Variants in YPEL4 observed in about 807,000 individuals in gnomAD.
The protein encoded by YPEL4 is protein yippee-like 4.
A neutral mutation model predicts 16.3 loss-of-function variants in YPEL4; 5 were observed. The ratio of observed to expected loss-of-function variants is 0.31; its 90% CI spans 0.16 to 0.64. The LOEUF is 0.64. YPEL4 is among the 30% of genes least tolerant of loss of function. The pLI is 0.79. For missense variants in YPEL4, 127 were observed against 170.0 expected, an observed-to-expected ratio of 0.75 and a Z score of 1.41; for synonymous variants, 61 against 60.7, an observed-to-expected ratio of 1.00 and a Z score of -0.02.
chr11:57,646,594 C>G (rs1945732734), intron 3 of YPEL4, 157 bp downstream of exon 3: 1 of 1,266,336 alleles, frequency 7.9e-7, no homozygotes, highest in African/African-American at 1.5e-5. Flanking sequence ...CCCCGGCTCC[C>G]CATGTGAGAA....
At chr11:57,649,487 G>A (rs1205579870) in intron 1 of YPEL4, 198 bp downstream of exon 1, 1 of 152,226 alleles carries the variant, frequency 6.6e-6, no homozygotes, top group Non-Finnish European at 1.5e-5. Context: ...AAAGTTGCCG[G>A]GAAATAAGTG....
chr11:57,648,871 T>C (rs1945760479), intron 1 of YPEL4: 1 of 152,206 alleles, frequency 6.6e-6, no homozygotes, highest in Admixed American at 6.5e-5. Context: ...CGAGTTCCCC[T>C]CTGACATGCA....
intron 1 of YPEL4, chr11:57,648,126 G>A (rs1945754389): frequency 6.6e-6 from 1 of 152,292 alleles, no homozygotes. Flanking sequence ...TGGGTAGCAT[G>A]TCAGAGGAGC....
intron 4 of YPEL4, 24 bp from the exon 5 acceptor site, chr11:57,646,094 T>C: frequency 6.2e-7 from 1 of 1,613,626 alleles, no homozygotes; most frequent in Non-Finnish European, 8.5e-7. Context: ...AAGCAGTGAT[T>C]GTAGGACAAA....
Position 57,647,041 on chromosome 11 carries a change from G to A in YPEL4, c.67C>T (p.Pro23Ser), listed in dbSNP as rs757763202. Residue 23 changes from proline (P) to serine (S), a missense_variant, in exon 2 of 5, where the codon CCC becomes TCC. By Grantham distance (74) the Pro-to-Ser change is moderately conservative. Coordinates refer to ENST00000300022, the MANE Select transcript of YPEL4 (RefSeq NM_145008.3). This position sits in a 1 kb window ranked among gnomAD's most constrained non-coding sequence, Gnocchi z 4.2. ...CAGCTGTAAGTGCGGTGACAGCGGGGCAGATAGCTGCGGAAAGTCTTGGTG... is the reference window on the plus strand; with the variant it reads ...CAGCTGTAAGTGCGGTGACAGCGGGACAGATAGCTGCGGAAAGTCTTGGTG... ...LPTKTFRSYL[P>S]RCHRTYSCVH... 1 of 1,598,292 alleles carries A rather than the reference G, an allele frequency of 6.3e-7. No homozygotes were observed. The highest frequency in any genetic ancestry group is 8.5e-7 in the Non-Finnish European group (1 of 1,173,760).
Position 57,646,734 on chromosome 11 carries a change from G to A in YPEL4, c.185+17C>T. 1 of 1,613,630 alleles carries A rather than the reference G, an allele frequency of 6.2e-7. No homozygotes were observed. Among genetic ancestry groups the A allele is most frequent in the Non-Finnish European group, 8.5e-7 (1 of 1,179,844 alleles). On this transcript the variant is annotated intron_variant, in intron 3 of 4. Coordinates refer to ENST00000300022, the MANE Select transcript of YPEL4 (RefSeq NM_145008.3). Reference sequence around the variant, plus strand: ...ACACAAGCACAAGCACACGCACAAGGAAAGAGGTAGACTCACACGGAGTTA... The same window carrying A: ...ACACAAGCACAAGCACACGCACAAGAAAAGAGGTAGACTCACACGGAGTTA...
intron 4 of YPEL4, 21 bp downstream of exon 4, chr11:57,646,276 C>A (rs752705793): frequency 1.2e-6 from 2 of 1,613,608 alleles, no homozygotes; most frequent in African/African-American, 2.7e-5. Context: ...TAGAGGGTGA[C>A]CCTCTTCCTC....
rs1028382269 is a variant in YPEL4 at position 57,645,873 on chromosome 11, C to T, written c.*108G>A. 8.7e-7 allele frequency: 1 copy of T among 1,147,226 alleles called. No homozygotes were observed. The highest frequency in any genetic ancestry group is 1.2e-6 in the Non-Finnish European group (1 of 802,170). The allele number at this position is 1,147,226 out of a possible 1,614,324, so 71.1% of individuals were successfully genotyped here. ...GAGGCAGGGGAGGGGTTGGTTGGAG[C>T]CAGGTTTCCCCCAGGGGTGGGGCAG... is the stretch of plus-strand genomic sequence containing the variant. On this transcript the variant is annotated 3_prime_UTR_variant, in exon 5 of 5. Transcript: ENST00000300022.
chr11:57,646,209 G>A (rs2135347473), intron 4 of YPEL4, 88 bp downstream of exon 4: 2 of 1,575,240 alleles, frequency 1.3e-6, no homozygotes, highest in Non-Finnish European at 1.7e-6. Flanking sequence ...TTTGGACCAT[G>A]CAAGGAAGGA....
In YPEL4 at chr11:57,646,030, T is replaced by G; in HGVS notation, c.335A>C (p.Lys112Thr). The G allele has an allele frequency of 1.2e-6, 2 of 1,614,194 alleles. No homozygotes were observed. The highest frequency in any genetic ancestry group is 1.7e-6 in the Non-Finnish European group (2 of 1,180,036). The change falls in exon 5 of 5, where the codon AAA becomes ACA. Residue 112 changes from lysine (K) to threonine (T), a missense_variant. By Grantham distance (78) the Lys-to-Thr change is moderately conservative (BLOSUM62 -1). Coordinates refer to ENST00000300022, the MANE Select transcript of YPEL4 (RefSeq NM_145008.3). ...FETSQKYKEG[K>T]YIIEMSHMVK... ...CATGTGTGACATTTCAATGATGTATTTCCCTTCCTTGTACTTCTGGCTCGT... is the reference window on the plus strand; with the variant it reads ...CATGTGTGACATTTCAATGATGTATGTCCCTTCCTTGTACTTCTGGCTCGT...
Position 57,647,121 on chromosome 11 carries a change from A to G in YPEL4, c.-14T>C. On this transcript the variant is annotated 5_prime_UTR_variant, in exon 2 of 5. Coordinates refer to ENST00000300022, the MANE Select transcript of YPEL4 (RefSeq NM_145008.3). The surrounding 1 kb of genome is among the most constrained non-coding windows in gnomAD (Gnocchi z 4.2). Reference sequence around the variant, plus strand: ...ACAGCTGGGCATGACGGGCTGGAGGACAATGCCCTGGTGGGCTGGAGGGGC... The same window carrying G: ...ACAGCTGGGCATGACGGGCTGGAGGGCAATGCCCTGGTGGGCTGGAGGGGC... The G allele has an allele frequency of 1.3e-6, 2 of 1,556,288 alleles. No individual in the cohort carries two copies. The highest frequency in any genetic ancestry group is 1.7e-6 in the Non-Finnish European group (2 of 1,155,070).
Position 57,645,666 on chromosome 11 carries a change from CT to C in YPEL4, c.*314del, listed in dbSNP as rs1945722232. ...AAAAACGGATTCCTCCCACAATCCT[CT>C]CTGCCTGAGTCTATGCCCTGCCATC... is the stretch of plus-strand genomic sequence containing the variant. On this transcript the variant is annotated 3_prime_UTR_variant, in exon 5 of 5. Coordinates refer to ENST00000300022, the MANE Select transcript of YPEL4 (RefSeq NM_145008.3). 2.9e-6 allele frequency: 1 copy of C among 342,938 alleles called. No individual in the cohort carries two copies. Among genetic ancestry groups the C allele is most frequent in the South Asian group, 5.5e-5 (1 of 18,092 alleles). 21.2% of individuals were successfully genotyped at this position (342,938 alleles called of 1,614,324 possible).
rs1945768863 is a variant in YPEL4, at chr11:57,649,729, T to A, written c.-229A>T. Reference sequence around the variant, plus strand: ...ATCTCCGTCTATCTCTCTCTCTCTCTCTCAATCTCTCAATCTCTCTGCTCA... The same window carrying A: ...ATCTCCGTCTATCTCTCTCTCTCTCACTCAATCTCTCAATCTCTCTGCTCA... On this transcript the variant is annotated 5_prime_UTR_variant, in exon 1 of 5. Coordinates refer to ENST00000300022, the MANE Select transcript of YPEL4 (RefSeq NM_145008.3). 6.8e-6 allele frequency: 1 copy of A among 146,430 alleles called. No homozygotes were observed. Among genetic ancestry groups the A allele is most frequent in the Admixed American group, 6.9e-5 (1 of 14,452 alleles). The allele number at this position is 146,430 out of a possible 1,614,324, so 9.1% of individuals were successfully genotyped here. A position where few individuals can be genotyped will look rare whatever the true frequency, so the allele number is the denominator to read the frequency against.
chr11:57,646,699 A>G (rs1945734211), intron 3 of YPEL4, 52 bp downstream of exon 3: 1 of 1,604,260 alleles, frequency 6.2e-7, no homozygotes, highest in Non-Finnish European at 8.5e-7. Context: ...GAGGAAAATT[A>G]CTCACTCACA....
Position 57,647,164 on chromosome 11 carries a change from C to T in YPEL4, c.-57G>A, listed in dbSNP as rs1945742014. On this transcript the variant is annotated 5_prime_UTR_variant, in exon 2 of 5. Coordinates refer to ENST00000300022, the MANE Select transcript of YPEL4 (RefSeq NM_145008.3). The surrounding 1 kb of genome is among the most constrained non-coding windows in gnomAD (Gnocchi z 4.2). The stretch of plus-strand genomic sequence containing the variant: ...GGAGGGGCTGGCGCCGTGCAGCCCC[C>T]GCAGAGACGGTCGCAGGTGAAGCAG... The T allele has an allele frequency of 8.7e-6, 13 of 1,488,732 alleles. No homozygotes were observed. The highest frequency in any genetic ancestry group is 8.4e-5 in the Admixed American group (3 of 35,572). The allele number at this position is 1,488,732 out of a possible 1,614,324, so 92.2% of individuals were successfully genotyped here. A position where few individuals can be genotyped will look rare whatever the true frequency, so the allele number is the denominator to read the frequency against.
In YPEL4 at chr11:57,646,155, G is replaced by A; in HGVS notation, c.295-85C>T. ...CACCTGTATGGCCCCCACCCCAAGGGTCATCCACCTAGCCCAACCCAGTGA... is the reference window on the plus strand; with the variant it reads ...CACCTGTATGGCCCCCACCCCAAGGATCATCCACCTAGCCCAACCCAGTGA... On this transcript the variant is annotated intron_variant, in intron 4 of 4. Coordinates refer to ENST00000300022, the MANE Select transcript of YPEL4 (RefSeq NM_145008.3). 15 of 1,571,648 alleles carry A rather than the reference G, an allele frequency of 9.5e-6. No homozygotes were observed. In the South Asian group the frequency reaches 1.1e-4, roughly 12 times the overall value.
At chr11:57,649,501 G>C (rs1331160684) in intron 1 of YPEL4, 184 bp downstream of exon 1, 1 of 152,372 alleles carries the variant, frequency 6.6e-6, no homozygotes, top group Non-Finnish European at 1.5e-5. Flanking sequence ...ATAAGTGCGG[G>C]AATCGTCAGA....
intron 2 of YPEL4, 76 bp downstream of exon 2, chr11:57,646,891 T>C: frequency 6.3e-7 from 1 of 1,588,702 alleles, no homozygotes. Flanking sequence ...AGAGCTTTGC[T>C]GCCTCACCCC....
At chr11:57,648,381 G>A (rs941523672) in intron 1 of YPEL4, 3 of 152,320 alleles carry the variant, frequency 2.0e-5, no homozygotes, top group Admixed American at 6.5e-5. Flanking sequence ...GCCAGCCTCC[G>A]AGTGGCTGAA....
Sources: gnomAD v4.1 joint callset for allele counts on GRCh38, gnomAD v4.1.1 for gene constraint, Gnocchi (gnomAD v3.1) non-coding constraint, MANE v1.5 for transcripts, NCBI Gene and HGNC (gene_info 2026-07-23, HGNC 2026-07-21) for gene names.